PALS2: variants seen among roughly 807,000 people sequenced by gnomAD.
The protein encoded by PALS2 is protein PALS2.
A neutral mutation model predicts 61.6 loss-of-function variants in PALS2; 27 were observed. That is an observed-to-expected ratio of 0.44 (90% CI 0.32 to 0.60). PALS2 has a LOEUF of 0.60. PALS2 is among the 20% of genes least tolerant of loss of function. PALS2 has a pLI of 0.05. For missense variants in PALS2, 554 were observed against 639.4 expected, an observed-to-expected ratio of 0.87 and a Z score of 1.44; for synonymous variants, 236 against 218.6, an observed-to-expected ratio of 1.08 and a Z score of -0.70.
At chr7:24,626,706 A>T (rs942382779) in intron 2 of PALS2, among the ~76,000 whole-genome samples, 1 of 151,882 alleles carries the variant, frequency 6.6e-6, no homozygotes, top group Non-Finnish European at 1.5e-5. Flanking sequence ...ATGTAAAGCA[A>T]AAAAAAAGGG....
intron 10 of PALS2, 48 bp from the exon 11 acceptor site, chr7:24,680,344 C>T (rs1487420083): frequency 6.4e-7 from 1 of 1,560,272 alleles, no homozygotes; most frequent in African/African-American, 1.4e-5. Context: ...TAGCAGAATT[C>T]TAGTTCTAAT....
At chr7:24,638,424 G>T (rs1187007987) in intron 2 of PALS2, among the ~76,000 whole-genome samples, 1 of 41,348 alleles carries the variant, frequency 2.4e-5, no homozygotes, top group Non-Finnish European at 3.5e-5. Context: ...TCCGCCTCCC[G>T]GGTTCACGCC....
At position 24,623,760 on chromosome 7, in the gene PALS2, T is replaced by C; in HGVS notation, c.93T>C (p.Asn31=). ...DLIFLKGIME[N]PIVKSLAKAH... ...TTTTCCTCAAGGGAATTATGGAGAA[T>C]CCTATTGTAAAATCACTTGCTAAGG... Residue 31 remains asparagine (N), a synonymous_variant, in exon 2 of 12, where the codon AAT becomes AAC. Coordinates refer to ENST00000222644, the MANE Select transcript of PALS2 (RefSeq NM_001303037.2). 1.1e-5 allele frequency: 18 copies of C among 1,587,168 alleles called. No individual in the cohort carries two copies. The highest frequency in any genetic ancestry group is 1.6e-5 in the Non-Finnish European group (18 of 1,160,258).
intron 5 of PALS2, among the ~76,000 whole-genome samples, chr7:24,652,667 A>G (rs911721905): frequency 8.5e-5 from 13 of 152,096 alleles, no homozygotes; most frequent in African/African-American, 2.7e-4. Flanking sequence ...TCTGCAAACC[A>G]TGGGCATCCT....
chr7:24,640,790 C>G (rs1293399993), intron 2 of PALS2, among the ~76,000 whole-genome samples: 5 of 151,774 alleles, frequency 3.3e-5, no homozygotes, highest in Non-Finnish European at 4.4e-5. Flanking sequence ...GGGTGGATCA[C>G]GAGGTCAGGA....
At chr7:24,622,091 T>C (rs1241474966) in intron 1 of PALS2, among the ~76,000 whole-genome samples, 1 of 152,070 alleles carries the variant, frequency 6.6e-6, no homozygotes, top group Admixed American at 6.5e-5. Context: ...AGTTTTGAAA[T>C]TGAGAAGTGT....
In PALS2 at chr7:24,631,504, G is replaced by C. The variant is rs148412739; in HGVS notation, c.117+7720G>C. Reference sequence around the variant, plus strand: ...AAGATGCTGTGAAAATTGTTGAAATGATAACAAAGGATTACAAATATTACA... The same window carrying C: ...AAGATGCTGTGAAAATTGTTGAAATCATAACAAAGGATTACAAATATTACA... On this transcript the variant is annotated intron_variant, in intron 2 of 11. Coordinates refer to ENST00000222644, the MANE Select transcript of PALS2 (RefSeq NM_001303037.2). Among the ~76,000 whole-genome samples the C allele has an allele frequency of 3.3e-3, 498 of 152,260 alleles. 10 individuals carry two copies. Among genetic ancestry groups the C allele is most frequent in the Admixed American group, 0.03 (455 of 15,292 alleles).
chr7:24,655,955 T>C (rs1363486376), intron 5 of PALS2, among the ~76,000 whole-genome samples: 1 of 152,206 alleles, frequency 6.6e-6, no homozygotes, highest in East Asian at 1.9e-4. Flanking sequence ...ACCTTCTTGT[T>C]ATCTTGCTGT....
intron 1 of PALS2, among the ~76,000 whole-genome samples, chr7:24,605,962 A>G (rs1483833792): frequency 2.6e-5 from 4 of 152,244 alleles, no homozygotes; most frequent in Admixed American, 2.0e-4. Context: ...GCTTGGCATC[A>G]TTTCTCAAGT....
Position 24,665,783 on chromosome 7 carries a change from T to C in PALS2, c.883+96T>C, listed in dbSNP as rs575718428. The C allele has an allele frequency of 7.8e-6, 9 of 1,147,750 alleles. No individual in the cohort carries two copies. In the Admixed American group the frequency reaches 1.8e-4, roughly 23 times the overall value. The allele number at this position is 1,147,750 out of a possible 1,614,324, so 71.1% of individuals were successfully genotyped here. A position where few individuals can be genotyped will look rare whatever the true frequency, so the allele number is the denominator to read the frequency against. ...TAAGCAAATGCATTTATTTAAAATA[T>C]GTCTAGAATGAATCCCTCCCTCTGC... On this transcript the variant is annotated intron_variant, in intron 7 of 11. Coordinates refer to ENST00000222644, the MANE Select transcript of PALS2 (RefSeq NM_001303037.2).
chr7:24,670,517 G>T lies in PALS2; in HGVS notation c.1114+1857G>T, dbSNP rs532775592. Among the ~76,000 whole-genome samples, 90 of 152,136 alleles carry T rather than the reference G, an allele frequency of 5.9e-4. No individual in the cohort carries two copies. In the South Asian group the frequency reaches 0.01, roughly 17 times the overall value. The stretch of plus-strand genomic sequence containing the variant: ...TTTCTCTTTCTTGGTTTATCACCTT[G>T]TTTTGCTGGGGTACATCCTCTTGTA... On this transcript the variant is annotated intron_variant, in intron 9 of 11. Coordinates refer to ENST00000222644, the MANE Select transcript of PALS2 (RefSeq NM_001303037.2).
intron 11 of PALS2, among the ~76,000 whole-genome samples, chr7:24,680,802 G>A (rs545557884): frequency 2.0e-5 from 3 of 152,090 alleles, no homozygotes; most frequent in Admixed American, 6.6e-5. Flanking sequence ...CACCATGTTG[G>A]CCAGACTGGT....
intron 1 of PALS2, chr7:24,589,286 C>G (rs1282423839): frequency 1.3e-5 from 2 of 152,182 alleles, no homozygotes; most frequent in Non-Finnish European, 2.9e-5. Context: ...AATAGGCTCT[C>G]ATTAGTTTGC....
In PALS2 at chr7:24,693,368, G is replaced by A. The variant is rs1562677050; in HGVS notation, c.*5754G>A. The A allele has an allele frequency of 6.6e-6, 1 of 152,138 alleles. No homozygotes were observed. Among genetic ancestry groups the A allele is most frequent in the Non-Finnish European group, 1.5e-5 (1 of 68,008 alleles). 9.4% of individuals were successfully genotyped at this position (152,138 alleles called of 1,614,324 possible). On this transcript the variant is annotated 3_prime_UTR_variant, in exon 12 of 12. Coordinates refer to ENST00000222644, the MANE Select transcript of PALS2 (RefSeq NM_001303037.2). ...ATTTGGCTCTCCTCCTATCAAAGTA[G>A]CCTAGGAGCTTGGAGGAAGCCTAAT...
At chr7:24,622,351 G>A (rs1021990423) in intron 1 of PALS2, among the ~76,000 whole-genome samples, 1 of 151,900 alleles carries the variant, frequency 6.6e-6, no homozygotes, top group Non-Finnish European at 1.5e-5. Context: ...TTTCAATGAT[G>A]TTTTATAGTT....
chr7:24,650,580 T>G lies in PALS2; in HGVS notation c.519T>G (p.Asp173Glu). 1 of 1,613,148 alleles carries G rather than the reference T, an allele frequency of 6.2e-7. No homozygotes were observed. The highest frequency in any genetic ancestry group is 2.2e-5 in the East Asian group (1 of 44,826). ...GACAAGGTCTACTTCATGTGGGAGA[T>G]ATAATTAAAGAAGTCAATGGCCATG... ...IDRQGLLHVG[D>E]IIKEVNGHEV... Residue 173 changes from aspartate to glutamate, a missense_variant, in exon 5 of 12, where the codon GAT (aspartate) becomes GAG (glutamate). Coordinates refer to ENST00000222644, the MANE Select transcript of PALS2 (RefSeq NM_001303037.2).
At chr7:24,622,876 A>T (rs574200173) in intron 1 of PALS2, among the ~76,000 whole-genome samples, 1 of 151,660 alleles carries the variant, frequency 6.6e-6, no homozygotes, top group Non-Finnish European at 1.5e-5. Context: ...TAGTTTGGTG[A>T]ATGTTTTTAT....
chr7:24,629,194 A>C (rs563173252), intron 2 of PALS2, among the ~76,000 whole-genome samples: 1 of 152,324 alleles, frequency 6.6e-6, no homozygotes, highest in South Asian at 2.1e-4. Flanking sequence ...TGACACATCT[A>C]CAACCATCTG....
chr7:24,670,153 A>G (rs1321000916), intron 9 of PALS2, among the ~76,000 whole-genome samples: 1 of 152,156 alleles, frequency 6.6e-6, no homozygotes, highest in Non-Finnish European at 1.5e-5. Flanking sequence ...TCCTTCCAAT[A>G]TAAAGATAGC....
Sources: allele counts gnomAD v4.1 joint callset (sites outside exome capture counted in the v4.1 genomes callset), GRCh38; gene constraint gnomAD v4.1.1; transcripts MANE v1.5; gene names NCBI Gene and HGNC (gene_info 2026-07-23, HGNC 2026-07-21).